The following ZNF430 variants were observed in gnomAD, a reference collection of about 807,000 sequenced individuals.
ZNF430 encodes zinc finger protein 430.
In ZNF430, 35 loss-of-function variants were observed where a neutral mutation model predicts 56.7. The observed-to-expected ratio is 0.62, with a 90% CI of 0.47 to 0.82. The LOEUF is 0.82. Among genes scored for constraint, ZNF430 ranks in the 40% least tolerant of loss-of-function variants. The pLI, the probability that ZNF430 is intolerant of heterozygous loss-of-function variation, is 0.00. For missense variants in ZNF430, 574 were observed against 661.0 expected (o/e 0.87, Z 1.44); for synonymous variants, 212 against 224.3 (o/e 0.94, Z 0.49).
At chr19:21,036,910 T>C (rs1228003472) in intron 4 of ZNF430, 5 of 151,850 alleles carry the variant, frequency 3.3e-5, no homozygotes, top group Non-Finnish European at 7.4e-5. Flanking sequence ...AAACTAAAAC[T>C]CAATACCCAT....
rs114721325 is a variant in ZNF430 at position 21,049,686 on chromosome 19, G to A, written c.323-6945G>A. 840 of 151,838 alleles carry A rather than the reference G, an allele frequency of 5.5e-3. 8 individuals are homozygous for A. Among genetic ancestry groups the A allele is most frequent in the African/African-American group, 0.019 (797 of 41,364 alleles). 9.4% of individuals were successfully genotyped at this position (151,838 alleles called of 1,614,324 possible). On this transcript the variant is annotated intron_variant, in intron 4 of 4. Transcript: ENST00000261560. ...CCTGCAACATTTCTTGTTACATTTC[G>A]TGCAACATTTCTTGTTACATTTCGT...
chr19:21,042,565 G>T (rs939198175), intron 4 of ZNF430, among the ~76,000 whole-genome samples: 1 of 152,078 alleles, frequency 6.6e-6, no homozygotes, highest in Non-Finnish European at 1.5e-5. Flanking sequence ...GAGGCAGGAG[G>T]ATCACAAGGT....
chr19:21,052,192 CTTAAAAA>C (rs1407415661), intron 4 of ZNF430, among the ~76,000 whole-genome samples: 1 of 152,018 alleles, frequency 6.6e-6, no homozygotes, highest in Admixed American at 6.6e-5. Context: ...TTTTTAAAAA[CTTAAAAA>C]TTAAAAAAAT....
intron 4 of ZNF430, 122 bp from the exon 5 acceptor site, chr19:21,056,509 C>G: frequency 1.5e-6 from 1 of 670,790 alleles, no homozygotes; most frequent in Non-Finnish European, 2.2e-6. Flanking sequence ...AAAATTAGGG[C>G]CTTTATTATT....
At position 21,057,381 on chromosome 19, in the gene ZNF430, C is replaced by G. The variant is rs1252075404; in HGVS notation, c.1073C>G (p.Ser358Ter). 6.2e-7 allele frequency: 1 copy of G among 1,613,536 alleles called. No homozygotes were observed. Among genetic ancestry groups the G allele is most frequent in the East Asian group, 2.2e-5 (1 of 44,860 alleles). Residue 358 changes from serine to a stop codon, truncating the protein, a stop_gained, in exon 5 of 5, where the codon TCA (serine) becomes TGA (stop). Transcript: ENST00000261560. LOFTEE classifies it high-confidence loss of function. Reference protein sequence around the residue: ...EECGKAFNQSSTLTTHKIIHA... With the variant: ...EECGKAFNQS ...TGTGGCAAAGCTTTTAACCAATCCTCAACCCTTACTACACATAAGATAATT... is the reference window on the plus strand; with the variant it reads ...TGTGGCAAAGCTTTTAACCAATCCTGAACCCTTACTACACATAAGATAATT...
intron 2 of ZNF430, 54 bp downstream of exon 2, chr19:21,022,935 G>A (rs572979753): frequency 6.3e-6 from 8 of 1,278,600 alleles, no homozygotes; most frequent in Non-Finnish European, 9.1e-6. Flanking sequence ...TTCATTTCTT[G>A]GAGACACATT....
In ZNF430 at chr19:21,058,046, G is replaced by A. The variant is rs191435403; in HGVS notation, c.*25G>A. 5.7e-4 allele frequency: 904 copies of A among 1,591,288 alleles called. No individual in the cohort carries two copies. Among genetic ancestry groups the A allele is most frequent in the Non-Finnish European group, 7.1e-4 (834 of 1,169,342 alleles). On this transcript the variant is annotated 3_prime_UTR_variant, in exon 5 of 5. Coordinates refer to ENST00000261560, the MANE Select transcript of ZNF430 (RefSeq NM_025189.4). ...AAGATTGTGGCAAAGCCTCTAACCC[G>A]TCCTGAATTCTTACTAAACATAAGA...
Position 21,026,869 on chromosome 19 carries a change from C to T in ZNF430, c.96+3988C>T, listed in dbSNP as rs371917871. On this transcript the variant is annotated intron_variant, in intron 2 of 4. Transcript: ENST00000261560. Reference sequence around the variant, plus strand: ...TTTTTTTGAGACAGAGTCTTGCTCTCGCCAGGCTGGAGTGCAGTGGTGTGA... The same window carrying T: ...TTTTTTTGAGACAGAGTCTTGCTCTTGCCAGGCTGGAGTGCAGTGGTGTGA... 2.9e-3 allele frequency among the ~76,000 whole-genome samples: 308 copies of T among 106,080 alleles called. 3 individuals carry two copies. Among genetic ancestry groups the T allele is most frequent in the African/African-American group, 9.9e-3 (292 of 29,608 alleles). The allele number at this position is 106,080 out of a possible 152,430, so 69.6% of individuals were successfully genotyped here.
chr19:21,050,752 G>A (rs1012942881), intron 4 of ZNF430, among the ~76,000 whole-genome samples: 4 of 152,106 alleles, frequency 2.6e-5, no homozygotes, highest in Non-Finnish European at 4.4e-5. Context: ...TTTAGGCCAG[G>A]TGCAGTGGCT....
At chr19:21,028,314 A>C (rs1385643478) in intron 2 of ZNF430, among the ~76,000 whole-genome samples, 1 of 152,230 alleles carries the variant, frequency 6.6e-6, no homozygotes, top group Non-Finnish European at 1.5e-5. Flanking sequence ...CAGCATTTTA[A>C]GAGTGAGATA....
chr19:21,024,464 T>C (rs1417612392), intron 2 of ZNF430, among the ~76,000 whole-genome samples: 3 of 152,020 alleles, frequency 2.0e-5, no homozygotes, highest in African/African-American at 4.8e-5. Context: ...CTTTCTTTCA[T>C]GGGGAGGAGC....
chr19:21,051,470 T>C (rs1968283482), intron 4 of ZNF430, among the ~76,000 whole-genome samples: 1 of 152,164 alleles, frequency 6.6e-6, no homozygotes, highest in Non-Finnish European at 1.5e-5. Flanking sequence ...TATGTGAACA[T>C]TTATATATGT....
chr19:21,056,989 T>C lies in ZNF430; in HGVS notation c.681T>C (p.His227=). ...ACCTAACTCAACATAAAAGAATTCATATTAGGGAAAATTCTTACCAATGTG... is the reference window on the plus strand; with the variant it reads ...ACCTAACTCAACATAAAAGAATTCACATTAGGGAAAATTCTTACCAATGTG... ...LLHLTQHKRI[H]IRENSYQCEE... The change falls in exon 5 of 5, where the codon CAT becomes CAC. Residue 227 remains histidine (H), a synonymous_variant. Coordinates refer to ENST00000261560, the MANE Select transcript of ZNF430 (RefSeq NM_025189.4). The C allele has an allele frequency of 6.2e-7, 1 of 1,614,012 alleles. No individual in the cohort carries two copies. Among genetic ancestry groups the C allele is most frequent in the Non-Finnish European group, 8.5e-7 (1 of 1,179,952 alleles).
At chr19:21,034,359 A>T in intron 4 of ZNF430, 175 bp downstream of exon 4, 1 of 468,318 alleles carries the variant, frequency 2.1e-6, no homozygotes, top group South Asian at 4.7e-5. Flanking sequence ...TTATGCTTTT[A>T]AATTCAAGGA....
At chr19:21,040,593 C>T (rs374842551) in intron 4 of ZNF430, among the ~76,000 whole-genome samples, 24 of 152,348 alleles carry the variant, frequency 1.6e-4, no homozygotes, top group South Asian at 4.1e-4. Context: ...GTCTGCCAAA[C>T]TGTAAACCAA....
intron 1 of ZNF430, 105 bp downstream of exon 1, chr19:21,020,908 T>TCTACA (rs1443555960): frequency 4.0e-6 from 6 of 1,512,344 alleles, no homozygotes; most frequent in African/African-American, 1.4e-5. Flanking sequence ...AGCTGCACAA[T>TCTACA]CTGCGCCCCG....
chr19:21,048,426 C>G (rs536624949), intron 4 of ZNF430, among the ~76,000 whole-genome samples: 22 of 151,720 alleles, frequency 1.5e-4, no homozygotes, highest in Admixed American at 8.6e-4. Flanking sequence ...TTTAACAAAG[C>G]ACATCTTGCA....
chr19:21,045,853 TC>T (rs1413990602), intron 4 of ZNF430, among the ~76,000 whole-genome samples: 1 of 152,212 alleles, frequency 6.6e-6, no homozygotes, highest in African/African-American at 2.4e-5. Context: ...CAATTGCAAC[TC>T]CTCCTTTTTT....
intron 4 of ZNF430, among the ~76,000 whole-genome samples, chr19:21,039,400 G>T (rs1211127910): frequency 1.9e-4 from 26 of 140,082 alleles, no homozygotes; most frequent in Admixed American, 5.0e-4. Flanking sequence ...CGGCCCATGT[G>T]TTTTTTTTTT....
Sources: gnomAD v4.1 joint callset for allele counts (sites outside exome capture counted in the v4.1 genomes callset) on GRCh38, gnomAD v4.1.1 for gene constraint, MANE v1.5 for transcripts, NCBI Gene and HGNC (gene_info 2026-07-23, HGNC 2026-07-21) for gene names.